SUGCT: variants seen among roughly 807,000 people sequenced by gnomAD.
The protein encoded by SUGCT is succinyl-CoA:glutarate-CoA transferase, also known as succinyl-CoA:glutarate CoA-transferase.
A neutral mutation model predicts 55.0 loss-of-function variants in SUGCT; 41 were observed. That is an observed-to-expected ratio of 0.74 (90% confidence interval 0.58 to 0.97). SUGCT has a LOEUF of 0.97. Ranked by LOEUF, SUGCT falls within the 50% of genes least tolerant of loss-of-function variation. The pLI, the probability that SUGCT is intolerant of heterozygous loss-of-function variation, is 0.00. For missense variants in SUGCT, 568 were observed against 547.8 expected, an observed-to-expected ratio of 1.04 and a Z score of -0.37; for synonymous variants, 187 against 200.4, an observed-to-expected ratio of 0.93 and a Z score of 0.56.
At chr7:40,590,272 T>A (rs370264327) in intron 12 of SUGCT, among the ~76,000 whole-genome samples, 29 of 152,180 alleles carry the variant, frequency 1.9e-4, no homozygotes, top group African/African-American at 6.8e-4. Flanking sequence ...AATATTAATA[T>A]TTGGTTAATT....
intron 12 of SUGCT, among the ~76,000 whole-genome samples, chr7:40,692,507 G>A (rs911652488): frequency 4.0e-4 from 61 of 152,218 alleles, no homozygotes; most frequent in African/African-American, 1.4e-3. Context: ...AAAGGGTCTC[G>A]TACTGTGTAT....
intron 9 of SUGCT, among the ~76,000 whole-genome samples, chr7:40,389,066 G>A (rs1054047202): frequency 3.3e-5 from 5 of 152,162 alleles, no homozygotes; most frequent in Non-Finnish European, 7.3e-5. Flanking sequence ...GTAAGAAAGA[G>A]TATTTGTTTG....
At chr7:40,181,843 G>A (rs1785231188) in intron 2 of SUGCT, 112 bp from the exon 3 acceptor site, 2 of 638,286 alleles carry the variant, frequency 3.1e-6, no homozygotes, top group East Asian at 5.8e-5. Context: ...TAACTGTTTT[G>A]ATTCTTACTA....
At chr7:40,604,625 G>A (rs1486911008) in intron 12 of SUGCT, among the ~76,000 whole-genome samples, 1 of 152,094 alleles carries the variant, frequency 6.6e-6, no homozygotes, top group Admixed American at 6.6e-5. Context: ...GGGGACAGGG[G>A]CCTATTGAAA....
chr7:40,442,538 T>C (rs141664075), intron 9 of SUGCT, among the ~76,000 whole-genome samples: 1 of 152,218 alleles, frequency 6.6e-6, no homozygotes, highest in East Asian at 1.9e-4. Flanking sequence ...TGATAACATA[T>C]TATGTTTTAT....
At chr7:40,819,390 C>G (rs1395791702) in intron 13 of SUGCT, among the ~76,000 whole-genome samples, 1 of 152,142 alleles carries the variant, frequency 6.6e-6, no homozygotes, top group Admixed American at 6.5e-5. Flanking sequence ...TAAAGGTGTT[C>G]CTATTTCTCC....
At chr7:40,611,021 A>G (rs1798743470) in intron 12 of SUGCT, among the ~76,000 whole-genome samples, 1 of 152,168 alleles carries the variant, frequency 6.6e-6, no homozygotes, top group Admixed American at 6.5e-5. Flanking sequence ...CATGCATTTT[A>G]GACATTTCCC....
chr7:40,995,698 G>T, the SUGCT span, among the ~76,000 whole-genome samples: 3 of 151,098 alleles, frequency 2.0e-5, no homozygotes, highest in Non-Finnish European at 4.4e-5. Flanking sequence ...CACGTAAAAT[G>T]GCTAGCATTT....
At chr7:40,507,949 C>A (rs145739958) in intron 12 of SUGCT, among the ~76,000 whole-genome samples, 4 of 152,252 alleles carry the variant, frequency 2.6e-5, no homozygotes, top group Non-Finnish European at 5.9e-5. Flanking sequence ...AAGCTAACAT[C>A]TTTCTCTTAA....
chr7:40,518,575 A>C (rs543735382), intron 12 of SUGCT, among the ~76,000 whole-genome samples: 1 of 152,292 alleles, frequency 6.6e-6, no homozygotes, highest in South Asian at 2.1e-4. Flanking sequence ...TGCATTAATT[A>C]GTATTCATAT....
chr7:40,811,265 A>G (rs910202262), intron 13 of SUGCT, among the ~76,000 whole-genome samples: 1 of 152,100 alleles, frequency 6.6e-6, no homozygotes, highest in African/African-American at 2.4e-5. Flanking sequence ...TTGGTTCCAT[A>G]TGAACTTTAG....
At chr7:40,589,959 G>A (rs534161369) in intron 12 of SUGCT, among the ~76,000 whole-genome samples, 7 of 152,050 alleles carry the variant, frequency 4.6e-5, no homozygotes, top group South Asian at 2.1e-4. Context: ...TTGAAGTTTT[G>A]TGGCAGCCTT....
intron 7 of SUGCT, among the ~76,000 whole-genome samples, chr7:40,263,210 C>T (rs1463363983): frequency 2.6e-5 from 4 of 152,194 alleles, no homozygotes; most frequent in East Asian, 1.9e-4. Flanking sequence ...GCATGAGCCA[C>T]GGTGCCCAGC....
Position 40,572,842 on chromosome 7 carries a change from G to A in SUGCT, c.1089+76456G>A, listed in dbSNP as rs147017475. ...CTATCTCCTTATTTCCAAATCAAAT[G>A]GTGTCATTGGTAGCATCCATTGTGG... On this transcript the variant is annotated intron_variant, in intron 12 of 13. Transcript: ENST00000335693. Among the ~76,000 whole-genome samples the A allele has an allele frequency of 5.0e-3, 765 of 152,154 alleles. 6 individuals are homozygous for A. Among genetic ancestry groups the A allele is most frequent in the African/African-American group, 0.018 (739 of 41,508 alleles).
intron 13 of SUGCT, among the ~76,000 whole-genome samples, chr7:40,830,405 T>C (rs1427715465): frequency 6.6e-6 from 1 of 152,132 alleles, no homozygotes; most frequent in Non-Finnish European, 1.5e-5. Context: ...CCTGCACTAG[T>C]CATGAAGACC....
At chr7:40,598,582 G>A (rs1019811713) in intron 12 of SUGCT, among the ~76,000 whole-genome samples, 30 of 152,314 alleles carry the variant, frequency 2.0e-4, no homozygotes, top group African/African-American at 5.5e-4. Context: ...GACTGTTCAC[G>A]TAGACATGAA....
chr7:40,489,208 T>A (rs1267570829), intron 11 of SUGCT, among the ~76,000 whole-genome samples: 2 of 151,994 alleles, frequency 1.3e-5, no homozygotes, highest in Non-Finnish European at 2.9e-5. Context: ...AGATGTTTCT[T>A]CTACTTGGTT....
intron 13 of SUGCT, among the ~76,000 whole-genome samples, chr7:40,856,676 TA>T (rs1794185965): frequency 6.6e-6 from 1 of 152,196 alleles, no homozygotes; most frequent in Non-Finnish European, 1.5e-5. Flanking sequence ...TGAGCAGACT[TA>T]AAAATCTATA....
chr7:40,544,818 A>G (rs1328848258), intron 12 of SUGCT, among the ~76,000 whole-genome samples: 3 of 152,240 alleles, frequency 2.0e-5, no homozygotes. Context: ...GACAAATAAG[A>G]CATAGCAGAA....
Sources: allele counts gnomAD v4.1 joint callset (sites outside exome capture counted in the v4.1 genomes callset), GRCh38; gene constraint gnomAD v4.1.1; transcripts MANE v1.5; gene names NCBI Gene and HGNC (gene_info 2026-07-23, HGNC 2026-07-21).